The following ICE1 variants were observed in gnomAD, a reference collection of about 807,000 sequenced individuals.
ICE1 encodes the protein interactor of little elongation complex ELL subunit 1.
ICE1 carries 64 observed loss-of-function variants against 192.7 expected under a neutral mutation model. The observed-to-expected ratio is 0.33, with a 90% CI of 0.27 to 0.41. The LOEUF (loss-of-function observed/expected upper bound fraction) is 0.41, where lower values mean the gene tolerates loss of function less well. Ranked by LOEUF, ICE1 falls within the 10% of genes least tolerant of loss-of-function variation. The probability of loss-of-function intolerance (pLI) is 1.00; values close to 1 mark genes in which losing one functional copy is unlikely to be tolerated. For missense variants in ICE1, 2,708 were observed against 2,696.0 expected, an observed-to-expected ratio of 1.00 and a Z score of -0.10; for synonymous variants, 1,010 against 984.5, an observed-to-expected ratio of 1.03 and a Z score of -0.49.
Position 5,443,176 on chromosome 5 carries a change from A to G in ICE1, c.318A>G (p.Leu106=). Reference sequence around the variant, plus strand: ...TTTTTCTTTTTTTAAAGAGTTCTTTAAAGTTGTATCAGGATACTCATCAGG... The same window carrying G: ...TTTTTCTTTTTTTAAAGAGTTCTTTGAAGTTGTATCAGGATACTCATCAGG... The part of the protein sequence containing the change: ...KAELEEKKSS[L]KLYQDTHQEY... Residue 106 remains leucine, a synonymous_variant, in exon 6 of 19, where the codon TTA becomes TTG. Transcript: ENST00000296564. The G allele has an allele frequency of 6.7e-7, 1 of 1,491,356 alleles. No homozygotes were observed. Among genetic ancestry groups the G allele is most frequent in the Non-Finnish European group, 9.0e-7 (1 of 1,110,568 alleles). The allele number at this position is 1,491,356 out of a possible 1,614,324, so 92.4% of individuals were successfully genotyped here. A position where few individuals can be genotyped will look rare whatever the true frequency, so the allele number is the denominator to read the frequency against.
At chr5:5,435,400 G>A (rs1334749278) in intron 1 of ICE1, among the ~76,000 whole-genome samples, 1 of 152,218 alleles carries the variant, frequency 6.6e-6, no homozygotes, top group South Asian at 2.1e-4. Flanking sequence ...GGGATAATCA[G>A]TGAAAATTGA....
At chr5:5,473,483 G>A in intron 15 of ICE1, 75 bp from the exon 16 acceptor site, 1 of 1,254,868 alleles carries the variant, frequency 8.0e-7, no homozygotes, top group Non-Finnish European at 1.1e-6. Flanking sequence ...GCTTATTATA[G>A]TCTTTTAGAT....
Position 5,439,875 on chromosome 5 carries a change from T to G in ICE1, c.179-20T>G, listed in dbSNP as rs1364303631. The stretch of plus-strand genomic sequence containing the variant: ...GTATCAGAAGATAAAATTCTCAGAG[T>G]TTTCTTTAATAAGTTTTACAGCTGC... On this transcript the variant is annotated intron_variant, in intron 3 of 18. Transcript: ENST00000296564. The G allele has an allele frequency of 2.0e-6, 3 of 1,522,638 alleles. No homozygotes were observed. The highest frequency in any genetic ancestry group is 2.7e-6 in the Non-Finnish European group (3 of 1,130,098). 94.3% of individuals were successfully genotyped at this position (1,522,638 alleles called of 1,614,324 possible).
At chr5:5,439,657 CTATT>C (rs1205975644) in intron 3 of ICE1, among the ~76,000 whole-genome samples, 9 of 152,240 alleles carry the variant, frequency 5.9e-5, no homozygotes, top group South Asian at 2.1e-4. Flanking sequence ...TCACAGAACT[CTATT>C]TAGAGAAACA....
At chr5:5,457,896 C>T (rs1418439538) in intron 12 of ICE1, among the ~76,000 whole-genome samples, 155 bp downstream of exon 12, 1 of 152,160 alleles carries the variant, frequency 6.6e-6, no homozygotes. Context: ...AAAAAGCATG[C>T]CACTACCCTT....
At chr5:5,436,222 T>C (rs1193389468) in intron 1 of ICE1, among the ~76,000 whole-genome samples, 196 bp from the exon 2 acceptor site, 1 of 152,040 alleles carries the variant, frequency 6.6e-6, no homozygotes. Flanking sequence ...GTTAAAGGAG[T>C]ACTATCATTC....
chr5:5,459,198 G>A (rs1408919566), intron 12 of ICE1, among the ~76,000 whole-genome samples: 2 of 152,094 alleles, frequency 1.3e-5, no homozygotes, highest in African/African-American at 4.8e-5. Flanking sequence ...TTTGATACCT[G>A]AACCTAAGTT....
intron 15 of ICE1, 96 bp from the exon 16 acceptor site, chr5:5,473,462 A>G: frequency 2.0e-6 from 2 of 989,118 alleles, no homozygotes. Context: ...TTAAATGATT[A>G]GTCATCGAAT....
chr5:5,489,101 A>G, intron 18 of ICE1, 48 bp from the exon 19 acceptor site: 7 of 1,549,456 alleles, frequency 4.5e-6, no homozygotes, highest in Non-Finnish European at 6.2e-6. Flanking sequence ...AAAATTTTGA[A>G]TAACAGATAT....
chr5:5,463,817 G>A lies in ICE1; in HGVS notation c.4483G>A (p.Asp1495Asn). Residue 1495 changes from aspartate (D) to asparagine (N), a missense_variant, in exon 13 of 19, where the codon GAT (aspartate) becomes AAT (asparagine). By Grantham distance (23) the Asp-to-Asn change is conservative. This residue lies in a region of ICE1 where 2,366 missense variants were observed against 2,276.6 expected (regional missense o/e 1.04). Transcript: ENST00000296564. Reference protein sequence around the residue: ...CGNNLSCPQEDVSSSGQSTNF... With the variant: ...CGNNLSCPQENVSSSGQSTNF... ...CAATAATCTTTCATGTCCCCAAGAG[G>A]ATGTTTCAAGCAGTGGTCAGAGCAC... 1 of 1,613,962 alleles carries A rather than the reference G, an allele frequency of 6.2e-7. No individual in the cohort carries two copies. The highest frequency in any genetic ancestry group is 8.5e-7 in the Non-Finnish European group (1 of 1,179,868).
chr5:5,483,452 G>C (rs1385078088), intron 17 of ICE1, among the ~76,000 whole-genome samples: 1 of 152,196 alleles, frequency 6.6e-6, no homozygotes, highest in Non-Finnish European at 1.5e-5. Flanking sequence ...AGTACACGGG[G>C]TTTACTCCAA....
At chr5:5,443,629 C>T (rs1343871954) in intron 6 of ICE1, among the ~76,000 whole-genome samples, 1 of 152,098 alleles carries the variant, frequency 6.6e-6, no homozygotes, top group Non-Finnish European at 1.5e-5. Context: ...AACATAATGA[C>T]TGACCCCTTG....
At chr5:5,432,558 G>T (rs1162104653) in intron 1 of ICE1, among the ~76,000 whole-genome samples, 5 of 152,170 alleles carry the variant, frequency 3.3e-5, no homozygotes, top group African/African-American at 1.2e-4. Context: ...TGGATCGTTG[G>T]GTAACTATTT....
intron 11 of ICE1, among the ~76,000 whole-genome samples, chr5:5,455,720 A>T (rs1738564482): frequency 1.3e-5 from 2 of 152,220 alleles, no homozygotes; most frequent in Admixed American, 1.3e-4. Context: ...TTTTCATATG[A>T]GGATGGTTAC....
At chr5:5,470,796 G>T (rs1441101800) in intron 15 of ICE1, among the ~76,000 whole-genome samples, 1 of 152,076 alleles carries the variant, frequency 6.6e-6, no homozygotes, top group African/African-American at 2.4e-5. Context: ...CATTTACTTT[G>T]AAATTGAGAT....
At chr5:5,430,766 G>A (rs575283724) in intron 1 of ICE1, among the ~76,000 whole-genome samples, 2 of 152,300 alleles carry the variant, frequency 1.3e-5, no homozygotes, top group East Asian at 3.9e-4. Context: ...ATTTCAGTTA[G>A]ATCAGTATTT....
chr5:5,451,733 T>C (rs1402012040), intron 10 of ICE1, among the ~76,000 whole-genome samples: 1 of 152,130 alleles, frequency 6.6e-6, no homozygotes, highest in Non-Finnish European at 1.5e-5. Context: ...ATAGGTGAGC[T>C]TTGTAAACGT....
Position 5,462,122 on chromosome 5 carries a change from G to T in ICE1, c.2788G>T (p.Ala930Ser). ...GAAAAGCATTTCACCAGAAGTTTCT[G>T]CCTCTAGGAGAAAATTAGATTTTAA... is the stretch of plus-strand genomic sequence containing the variant. Reference protein sequence around the residue: ...AVKSISPEVSASRRKLDFNSP... With the variant: ...AVKSISPEVSSSRRKLDFNSP... Residue 930 changes from alanine to serine, a missense_variant, in exon 13 of 19, where the codon GCC becomes TCC. This residue lies in a region of ICE1 where 2,366 missense variants were observed against 2,276.6 expected (regional missense o/e 1.04). Transcript: ENST00000296564. The T allele has an allele frequency of 6.2e-7, 1 of 1,613,898 alleles. No individual in the cohort carries two copies. The highest frequency in any genetic ancestry group is 8.5e-7 in the Non-Finnish European group (1 of 1,179,806).
chr5:5,456,433 A>G (rs1738581487), intron 11 of ICE1, among the ~76,000 whole-genome samples: 1 of 152,220 alleles, frequency 6.6e-6, no homozygotes, highest in African/African-American at 2.4e-5. Context: ...TTACGTAAGG[A>G]AGAGCTGTTC....
Sources: allele counts gnomAD v4.1 joint callset (sites outside exome capture counted in the v4.1 genomes callset), GRCh38; gene constraint gnomAD v4.1.1; regional missense constraint gnomAD v4.1.1; transcripts MANE v1.5; gene names NCBI Gene and HGNC (gene_info 2026-07-23, HGNC 2026-07-21).